C2CD3: variants seen among roughly 807,000 people sequenced by gnomAD.
C2CD3 encodes C2 domain containing 3 centriole elongation regulator.
C2CD3 carries 148 observed loss-of-function variants against 234.0 expected under a neutral mutation model. That is an observed-to-expected ratio of 0.63 (90% CI 0.55 to 0.72). The LOEUF is 0.72. Ranked by LOEUF, C2CD3 falls within the 30% of genes least tolerant of loss-of-function variation. The probability of loss-of-function intolerance (pLI) is 0.00; values close to 1 mark genes in which losing one functional copy is unlikely to be tolerated. For synonymous variants in C2CD3, 1,000 were observed against 1,035.4 expected, an observed-to-expected ratio of 0.97 and a Z score of 0.66; for missense variants, 2,577 against 2,811.5, an observed-to-expected ratio of 0.92 and a Z score of 1.89.
intron 5 of C2CD3, among the ~76,000 whole-genome samples, chr11:74,134,753 G>C (rs1466784860): frequency 1.3e-5 from 2 of 152,176 alleles, no homozygotes; most frequent in Non-Finnish European, 1.5e-5. Flanking sequence ...TAGAGACAGA[G>C]TCTTGCTCTG....
chr11:74,061,843 T>C (rs903022088), intron 24 of C2CD3, among the ~76,000 whole-genome samples: 1 of 151,782 alleles, frequency 6.6e-6, no homozygotes, highest in Non-Finnish European at 1.5e-5. Flanking sequence ...TTGGATAGAG[T>C]CAAGACCCTT....
chr11:74,170,325 C>T (rs954217937), intron 1 of C2CD3, among the ~76,000 whole-genome samples: 1 of 152,176 alleles, frequency 6.6e-6, no homozygotes, highest in African/African-American at 2.4e-5. Flanking sequence ...AATCCTTGGT[C>T]ATTCAGTAAT....
In C2CD3 at chr11:74,084,908, T is replaced by C. The variant is rs1317023730; in HGVS notation, c.3973A>G (p.Thr1325Ala). The change falls in exon 22 of 33, where the codon ACA (threonine) becomes GCA (alanine). Residue 1325 changes from threonine to alanine, a missense_variant. Coordinates refer to ENST00000334126, the MANE Select transcript of C2CD3 (RefSeq NM_001286577.2). ...GATCTCTTGATCAGCAGCTCTTTTG[T>C]TGGAACTTTTACTACTCCAAGCAGA... ...EYLLGVVKVPTKELLIKRSGI... is the reference protein window; with the variant it reads ...EYLLGVVKVPAKELLIKRSGI... 3.7e-6 allele frequency: 6 copies of C among 1,611,316 alleles called. No individual in the cohort carries two copies. In the South Asian group the frequency reaches 5.5e-5, roughly 15 times the overall value.
intron 25 of C2CD3, among the ~76,000 whole-genome samples, chr11:74,055,934 T>G (rs1173728572): frequency 6.6e-6 from 1 of 152,224 alleles, no homozygotes; most frequent in African/African-American, 2.4e-5. Context: ...CTGTTAGGTT[T>G]TTAGGTTGTG....
intron 31 of C2CD3, 110 bp from the exon 32 acceptor site, chr11:74,028,508 AC>A (rs1952397191): frequency 4.4e-6 from 3 of 687,510 alleles, no homozygotes; most frequent in Non-Finnish European, 7.2e-6. Context: ...TTTTCCCTCA[AC>A]TATTCTTGTC....
chr11:74,149,135 G>C (rs1183459494), intron 3 of C2CD3, among the ~76,000 whole-genome samples: 1 of 151,972 alleles, frequency 6.6e-6, no homozygotes, highest in Non-Finnish European at 1.5e-5. Context: ...ATAACCTTTT[G>C]ACTTCCTAAT....
intron 31 of C2CD3, among the ~76,000 whole-genome samples, chr11:74,032,691 G>A (rs1393360323): frequency 1.3e-5 from 2 of 152,154 alleles, no homozygotes; most frequent in East Asian, 3.9e-4. Flanking sequence ...GGGTGACACA[G>A]CAAGACCCCA....
rs574953986 is a variant in C2CD3 at position 74,040,729 on chromosome 11, C to T, written c.5660+1325G>A. On this transcript the variant is annotated intron_variant, in intron 29 of 32. Coordinates refer to ENST00000334126, the MANE Select transcript of C2CD3 (RefSeq NM_001286577.2). ...CGAGATTGCGCCACTGCACTCCAGC[C>T]GGGGCAACAGTGCGAGACCCCATCT... Among the ~76,000 whole-genome samples, 19 of 152,072 alleles carry T rather than the reference C, an allele frequency of 1.2e-4. No homozygotes were observed. In the South Asian group the frequency reaches 3.3e-3, roughly 27 times the overall value.
At position 74,054,611 on chromosome 11, in the gene C2CD3, T is replaced by C. The variant is rs780936471; in HGVS notation, c.5151A>G (p.Lys1717=). Residue 1717 remains lysine, a synonymous_variant, in exon 26 of 33, where the codon AAA becomes AAG. Transcript: ENST00000334126. ...QQTLVFKVWH[K]GDEERVIGFA... The stretch of plus-strand genomic sequence containing the variant: ...TTCTTTTAACAGAGTTCATACCTCC[T>C]TTATGCCAAACTTTGAAGACCAGGG... 7.5e-6 allele frequency: 12 copies of C among 1,606,728 alleles called. No individual in the cohort carries two copies. The East Asian group carries it at 1.3e-4, about 18-fold the overall frequency.
At chr11:74,140,500 A>G (rs1958018716) in intron 3 of C2CD3, among the ~76,000 whole-genome samples, 1 of 152,196 alleles carries the variant, frequency 6.6e-6, no homozygotes, top group African/African-American at 2.4e-5. Flanking sequence ...AGAGAAGATA[A>G]TGTGATTATA....
chr11:74,021,348 G>C (rs371246284), intron 32 of C2CD3, among the ~76,000 whole-genome samples: 27 of 152,156 alleles, frequency 1.8e-4, no homozygotes, highest in African/African-American at 5.8e-4. Context: ...AATGGATTTG[G>C]GAATAAAATC....
Position 74,074,497 on chromosome 11 carries a change from A to T in C2CD3, c.4707T>A (p.His1569Gln), listed in dbSNP as rs1954943190. ...TGCTGCAGTCCATGGAGTCCAGCTC[A>T]TGAGTGGGCTCAAGGTGTGAGGAAA... Reference protein sequence around the residue: ...SSLSSHLEPTHELDSMDCSSH... With the variant: ...SSLSSHLEPTQELDSMDCSSH... The change falls in exon 24 of 33, where the codon CAT (histidine) becomes CAA (glutamine). Residue 1569 changes from histidine to glutamine, a missense_variant. Transcript: ENST00000334126. The T allele has an allele frequency of 1.2e-6, 2 of 1,614,220 alleles. No individual in the cohort carries two copies. Among genetic ancestry groups the T allele is most frequent in the Non-Finnish European group, 1.7e-6 (2 of 1,180,022 alleles).
chr11:74,149,049 C>T (rs557257373), intron 3 of C2CD3, among the ~76,000 whole-genome samples: 3 of 152,152 alleles, frequency 2.0e-5, no homozygotes, highest in Non-Finnish European at 4.4e-5. Context: ...ATTTCTATAC[C>T]TGATTCCTGT....
At chr11:74,160,636 G>A (rs1035493742) in intron 3 of C2CD3, among the ~76,000 whole-genome samples, 3 of 152,112 alleles carry the variant, frequency 2.0e-5, no homozygotes, top group African/African-American at 7.2e-5. Flanking sequence ...GGGTACTATC[G>A]TACCGTTAGG....
intron 7 of C2CD3, among the ~76,000 whole-genome samples, chr11:74,130,640 A>G (rs1287097068): frequency 6.6e-6 from 1 of 152,186 alleles, no homozygotes; most frequent in Non-Finnish European, 1.5e-5. Context: ...TCTAACTCAT[A>G]TTAGTTGACC....
intron 3 of C2CD3, among the ~76,000 whole-genome samples, chr11:74,149,262 T>C (rs941817208): frequency 1.4e-4 from 22 of 152,336 alleles, no homozygotes; most frequent in African/African-American, 5.3e-4. Context: ...TGAACATGTA[T>C]TCCATTTATA....
At chr11:74,125,690 A>T (rs1957390728) in intron 7 of C2CD3, among the ~76,000 whole-genome samples, 1 of 152,164 alleles carries the variant, frequency 6.6e-6, no homozygotes, top group African/African-American at 2.4e-5. Context: ...AGTATAATTT[A>T]TTGCACCTTT....
intron 26 of C2CD3, among the ~76,000 whole-genome samples, chr11:74,052,114 A>C (rs181287876): frequency 6.6e-6 from 1 of 152,306 alleles, no homozygotes; most frequent in East Asian, 1.9e-4. Context: ...GGGGAGAGAG[A>C]CATCTACATA....
intron 26 of C2CD3, among the ~76,000 whole-genome samples, chr11:74,054,226 C>G (rs112285613): frequency 0.017 from 2,585 of 147,824 alleles, 74 homozygotes; most frequent in African/African-American, 0.062. Flanking sequence ...GAGCCAAGAT[C>G]GTGCCACTGC....
Sources: allele counts gnomAD v4.1 joint callset (sites outside exome capture counted in the v4.1 genomes callset), GRCh38; gene constraint gnomAD v4.1.1; transcripts MANE v1.5; gene names NCBI Gene and HGNC (gene_info 2026-07-23, HGNC 2026-07-21).